The following VGLL4 variants were observed in gnomAD, a reference collection of about 807,000 sequenced individuals.
The protein encoded by VGLL4 is vestigial like family member 4.
VGLL4 carries 7 observed loss-of-function variants against 21.0 expected under a neutral mutation model. The observed-to-expected ratio is 0.33, with a 90% CI of 0.19 to 0.63. The LOEUF is 0.63. VGLL4 is among the 20% of genes least tolerant of loss of function. The pLI, the probability that VGLL4 is intolerant of heterozygous loss-of-function variation, is 0.78. For synonymous variants in VGLL4, 222 were observed against 173.2 expected (o/e 1.28, Z -2.21); for missense variants, 394 against 425.7 (o/e 0.93, Z 0.66).
chr3:11,709,295 G>T lies in VGLL4; in HGVS notation c.-13-6248C>A, dbSNP rs192320866. On this transcript the variant is annotated intron_variant, in intron 1 of 5. Transcript: ENST00000273038. ...TTCTAAAAATATAAGAAATTAGCCA[G>T]GCATGGTAGCAGGCACCTGTAATCC... Among the ~76,000 whole-genome samples the T allele has an allele frequency of 3.4e-4, 51 of 151,636 alleles. 2 individuals are homozygous for T. In the East Asian group the frequency reaches 7.6e-3, roughly 23 times the overall value.
At chr3:11,613,368 A>G (rs2075099278) in intron 1 of VGLL4, among the ~76,000 whole-genome samples, 1 of 152,138 alleles carries the variant, frequency 6.6e-6, no homozygotes, top group Non-Finnish European at 1.5e-5. Context: ...GGCACTGATC[A>G]CTAGAGGGGG....
Position 11,679,412 on chromosome 3 carries a change from C to T in VGLL4, c.64+23559G>A, listed in dbSNP as rs546192741. Among the ~76,000 whole-genome samples, 18 of 152,060 alleles carry T rather than the reference C, an allele frequency of 1.2e-4. 1 individual carries two copies. The highest frequency in any genetic ancestry group is 3.9e-4 in the East Asian group (2 of 5,182). On this transcript the variant is annotated intron_variant, in intron 2 of 5. Coordinates refer to the VGLL4 transcript ENST00000273038. The stretch of plus-strand genomic sequence containing the variant: ...AGAAAAATGTTTACAGAGCTGGGCG[C>T]GGTAGCTCACGCCTGTAATTCCAGC...
At chr3:11,678,008 G>A (rs996335718) in intron 2 of VGLL4, among the ~76,000 whole-genome samples, 3 of 151,780 alleles carry the variant, frequency 2.0e-5, no homozygotes, top group Non-Finnish European at 2.9e-5. Flanking sequence ...TTCAACGGAC[G>A]CCATCATTCT....
rs530551425 is a variant in VGLL4, at chr3:11,636,275, C to A, written c.82+7162G>T. ...CTTTGCTAAATTGCTTGGCAGAGTACATCTGCATCAAACCATTAGAGTCTG... is the reference window on the plus strand; with the variant it reads ...CTTTGCTAAATTGCTTGGCAGAGTAAATCTGCATCAAACCATTAGAGTCTG... On this transcript the variant is annotated intron_variant, in intron 1 of 4. Transcript: ENST00000430365. Among the ~76,000 whole-genome samples, 6 of 152,312 alleles carry A rather than the reference C, an allele frequency of 3.9e-5. No individual in the cohort carries two copies. In the East Asian group the frequency reaches 1.2e-3, roughly 29 times the overall value.
chr3:11,559,209 T>C, intron 4 of VGLL4, 123 bp downstream of exon 4: 1 of 1,416,946 alleles, frequency 7.1e-7, no homozygotes, highest in Middle Eastern at 2.1e-4. Flanking sequence ...GCTCAAGAAA[T>C]ACTTTTTCAA....
In VGLL4 at chr3:11,688,848, G is replaced by A. The variant is rs568970660; in HGVS notation, c.64+14123C>T. On this transcript the variant is annotated intron_variant, in intron 2 of 5. Coordinates refer to the VGLL4 transcript ENST00000273038. ...ACCCTGGTCAACATGGTGAAACCCC[G>A]TCTCTACAAAAATACAAAAATTAGC... is the stretch of plus-strand genomic sequence containing the variant. Among the ~76,000 whole-genome samples, 17 of 152,118 alleles carry A rather than the reference G, an allele frequency of 1.1e-4. No individual in the cohort carries two copies. In the South Asian group the frequency reaches 2.7e-3, roughly 24 times the overall value.
chr3:11,643,610 T>C lies in VGLL4; in HGVS notation c.-92A>G. 2 of 1,588,018 alleles carry C rather than the reference T, an allele frequency of 1.3e-6. No individual in the cohort carries two copies. The highest frequency in any genetic ancestry group is 1.7e-6 in the Non-Finnish European group (2 of 1,169,854). On this transcript the variant is annotated 5_prime_UTR_variant, in exon 1 of 5. Coordinates refer to ENST00000430365, the MANE Select transcript of VGLL4 (RefSeq NM_001128219.3). ...ATTGTTGCTGAGTAGCTCCTGGCTC[T>C]TCAACTTCACAAAGGCAGAGGCCCA...
chr3:11,577,067 G>A (rs1280326322), intron 2 of VGLL4, among the ~76,000 whole-genome samples: 1 of 152,214 alleles, frequency 6.6e-6, no homozygotes, highest in African/African-American at 2.4e-5. Flanking sequence ...AGGAGCTCAT[G>A]AAGCTGGGTG....
chr3:11,711,088 G>A (rs1387212625), intron 1 of VGLL4, among the ~76,000 whole-genome samples: 5 of 149,214 alleles, frequency 3.4e-5, no homozygotes, highest in Non-Finnish European at 7.4e-5. Context: ...AACAGAGTGA[G>A]ACTCCATCTC....
intron 2 of VGLL4, among the ~76,000 whole-genome samples, chr3:11,587,692 T>C (rs777686267): frequency 1.3e-5 from 2 of 152,176 alleles, no homozygotes; most frequent in Non-Finnish European, 2.9e-5. Flanking sequence ...CCAAAAGAAA[T>C]GTCTGGTCAT....
intron 2 of VGLL4, among the ~76,000 whole-genome samples, chr3:11,679,259 A>T (rs957319628): frequency 3.9e-5 from 6 of 152,166 alleles, no homozygotes; most frequent in Non-Finnish European, 8.8e-5. Flanking sequence ...TTCCAGTGGG[A>T]CAAAATGTGG....
chr3:11,564,382 A>G (rs1035550155), intron 3 of VGLL4, among the ~76,000 whole-genome samples: 27 of 143,154 alleles, frequency 1.9e-4, no homozygotes, highest in African/African-American at 6.9e-4. Context: ...CATCCGCGTG[A>G]CCGTCTAAAG....
intron 2 of VGLL4, among the ~76,000 whole-genome samples, chr3:11,688,056 T>C (rs2076476640): frequency 6.6e-6 from 1 of 152,170 alleles, no homozygotes; most frequent in South Asian, 2.1e-4. Flanking sequence ...TATTAATTTT[T>C]CCTTTAATCT....
chr3:11,671,116 C>T (rs560543520), intron 2 of VGLL4: 10 of 874,762 alleles, frequency 1.1e-5, no homozygotes, highest in Non-Finnish European at 1.5e-5. Context: ...ACAGTCAGGA[C>T]TCAAGCACAA....
intron 2 of VGLL4, among the ~76,000 whole-genome samples, chr3:11,581,722 G>C (rs1184643985): frequency 6.6e-6 from 1 of 152,208 alleles, no homozygotes; most frequent in Non-Finnish European, 1.5e-5. Context: ...AATAGCTGAG[G>C]TCAAACCCTC....
At chr3:11,677,302 C>CA (rs2076305290) in intron 2 of VGLL4, among the ~76,000 whole-genome samples, 1 of 150,376 alleles carries the variant, frequency 6.6e-6, no homozygotes, top group Admixed American at 6.6e-5. Flanking sequence ...GACAGGGTCT[C>CA]ACGCTGTCGT....
exon 1 of VGLL4, chr3:11,720,663 G>A (rs1226485992): frequency 1.3e-5 from 2 of 152,302 alleles, no homozygotes; most frequent in African/African-American, 2.4e-5. Flanking sequence ...GGAGTGGAAA[G>A]AGTCCCCTTC....
At chr3:11,634,447 T>C (rs1265727737) in intron 1 of VGLL4, among the ~76,000 whole-genome samples, 1 of 152,188 alleles carries the variant, frequency 6.6e-6, no homozygotes, top group East Asian at 1.9e-4. Context: ...CCCCTATCTC[T>C]TGCCTAAGCC....
At chr3:11,682,664 G>A (rs967207213) in intron 2 of VGLL4, among the ~76,000 whole-genome samples, 44 of 152,098 alleles carry the variant, frequency 2.9e-4, no homozygotes, top group African/African-American at 9.2e-4. Flanking sequence ...GTAGTTACAA[G>A]GTGTAGATTT....
Sources: allele counts gnomAD v4.1 joint callset (sites outside exome capture counted in the v4.1 genomes callset), GRCh38; gene constraint gnomAD v4.1.1; transcripts MANE v1.5; gene names NCBI Gene and HGNC (gene_info 2026-07-23, HGNC 2026-07-21).